The following HSPA12A variants were observed in gnomAD, a reference collection of about 807,000 sequenced individuals.
The protein encoded by HSPA12A is heat shock 70 kDa protein 12A.
In HSPA12A, 28 loss-of-function variants were observed where a neutral mutation model predicts 69.2. That is an observed-to-expected ratio of 0.40 (90% CI 0.30 to 0.55). The LOEUF (loss-of-function observed/expected upper bound fraction) is 0.55, where lower values mean the gene tolerates loss of function less well. Ranked by LOEUF, HSPA12A falls within the 20% of genes least tolerant of loss-of-function variation. The pLI, the probability that HSPA12A is intolerant of heterozygous loss-of-function variation, is 0.38. For missense variants in HSPA12A, 686 were observed against 900.7 expected, an observed-to-expected ratio of 0.76 and a Z score of 3.05; for synonymous variants, 345 against 370.5, an observed-to-expected ratio of 0.93 and a Z score of 0.79.
At chr10:116,831,623 C>G (rs11591751) in intron 2 of HSPA12A, 51,311 of 152,122 alleles carry the variant, frequency 0.34, 10,250 homozygotes, top group Middle Eastern at 0.49. Context: ...GGGTCCCCAT[C>G]GCGATGATCA....
intron 2 of HSPA12A, among the ~76,000 whole-genome samples, chr10:116,790,092 C>CTTTT (rs140785704): frequency 2.9e-5 from 2 of 69,120 alleles, no homozygotes; most frequent in East Asian, 5.3e-4. Context: ...GATAATCTTT[C>CTTTT]TTTTTTTTTT....
At chr10:116,784,373 C>A (rs1844531021) in intron 2 of HSPA12A, among the ~76,000 whole-genome samples, 1 of 152,258 alleles carries the variant, frequency 6.6e-6, no homozygotes, top group South Asian at 2.1e-4. Context: ...TGCCTGATTT[C>A]TCTGTTCTGC....
intron 1 of HSPA12A, among the ~76,000 whole-genome samples, chr10:116,741,580 C>A (rs1851508658): frequency 6.6e-6 from 1 of 152,210 alleles, no homozygotes; most frequent in Non-Finnish European, 1.5e-5. Context: ...GGAATCCTGG[C>A]CAGCCGGGCC....
chr10:116,802,476 A>T (rs1844978122), intron 2 of HSPA12A, among the ~76,000 whole-genome samples: 1 of 152,230 alleles, frequency 6.6e-6, no homozygotes, highest in Admixed American at 6.5e-5. Context: ...ATGCACCTTC[A>T]AGGGGTCACA....
chr10:116,759,375 A>T (rs1843922247), intron 2 of HSPA12A, among the ~76,000 whole-genome samples: 1 of 152,166 alleles, frequency 6.6e-6, no homozygotes, highest in Admixed American at 6.5e-5. Flanking sequence ...GAAGATGTTA[A>T]TATGTCTTCT....
intron 2 of HSPA12A, among the ~76,000 whole-genome samples, chr10:116,780,450 C>T (rs1844439917): frequency 6.6e-6 from 1 of 152,086 alleles, no homozygotes; most frequent in Admixed American, 6.6e-5. Context: ...CTCCCACACT[C>T]GAGTGATCCT....
intron 1 of HSPA12A, among the ~76,000 whole-genome samples, chr10:116,721,600 C>T (rs1307577138): frequency 6.6e-6 from 1 of 152,100 alleles, no homozygotes; most frequent in Admixed American, 6.5e-5. Flanking sequence ...AACGAAAACC[C>T]GGGTGTGCGT....
intron 2 of HSPA12A, among the ~76,000 whole-genome samples, chr10:116,789,430 G>C (rs1844653657): frequency 6.6e-6 from 1 of 151,984 alleles, no homozygotes; most frequent in East Asian, 1.9e-4. Context: ...GGAAATGAAG[G>C]ATGAGTATAA....
chr10:116,679,852 T>A, intron 9 of HSPA12A, 91 bp from the exon 10 acceptor site: 1 of 1,384,212 alleles, frequency 7.2e-7, no homozygotes, highest in Non-Finnish European at 1.0e-6. Flanking sequence ...TGTTCATCTC[T>A]GAGCCACTTA....
intron 1 of HSPA12A, among the ~76,000 whole-genome samples, chr10:116,839,132 T>C (rs1261628782): frequency 6.6e-6 from 1 of 152,234 alleles, no homozygotes; most frequent in Non-Finnish European, 1.5e-5. Context: ...CTTTCACAGT[T>C]GGAAAACGAC....
At chr10:116,690,411 A>G (rs1351836077) in intron 6 of HSPA12A, among the ~76,000 whole-genome samples, 5 of 152,224 alleles carry the variant, frequency 3.3e-5, no homozygotes, top group African/African-American at 1.2e-4. Flanking sequence ...CATGAACAAA[A>G]AAAGCAATTG....
chr10:116,720,392 C>G (rs986484161), intron 1 of HSPA12A, among the ~76,000 whole-genome samples: 21 of 152,238 alleles, frequency 1.4e-4, no homozygotes, highest in African/African-American at 4.8e-4. Context: ...TGGCACTGGC[C>G]TCTCCCAGAC....
At chr10:116,738,436 G>C (rs545339540) in intron 1 of HSPA12A, among the ~76,000 whole-genome samples, 1 of 152,308 alleles carries the variant, frequency 6.6e-6, no homozygotes, top group African/African-American at 2.4e-5. Context: ...AGAGCATTGA[G>C]AGAAACAGCA....
intron 6 of HSPA12A, among the ~76,000 whole-genome samples, chr10:116,685,778 TG>T (rs1357419341): frequency 2.0e-5 from 3 of 152,114 alleles, no homozygotes; most frequent in Admixed American, 1.3e-4. Context: ...AGACTTTCAG[TG>T]CTAAAACTGA....
chr10:116,732,619 G>C (rs1475629370), intron 1 of HSPA12A, among the ~76,000 whole-genome samples: 5 of 152,214 alleles, frequency 3.3e-5, no homozygotes, highest in Admixed American at 3.3e-4. Context: ...GAAAAGAAAA[G>C]CTGGGCCTGC....
At chr10:116,785,165 C>A (rs1554892205) in intron 2 of HSPA12A, among the ~76,000 whole-genome samples, 1 of 152,200 alleles carries the variant, frequency 6.6e-6, no homozygotes, top group Non-Finnish European at 1.5e-5. Context: ...GGCTTGACCC[C>A]TGCATGTCCA....
chr10:116,807,737 G>A (rs902587244), intron 2 of HSPA12A, among the ~76,000 whole-genome samples: 1 of 152,188 alleles, frequency 6.6e-6, no homozygotes, highest in African/African-American at 2.4e-5. Context: ...GCAGAGCAAG[G>A]ATCACACTGC....
rs1432152893 is a variant in HSPA12A at position 116,701,061 on chromosome 10, T to C, written c.323A>G (p.Glu108Gly). Residue 108 changes from glutamate to glycine, a missense_variant, in exon 4 of 12, where the codon GAG (glutamate) becomes GGG (glycine). Transcript: ENST00000369209. ...ATACCCGAAGCTGTGGAACTTCCTCTCGGGAGTCAGCAAGATGGTGGTTGG... is the reference window on the plus strand; with the variant it reads ...ATACCCGAAGCTGTGGAACTTCCTCCCGGGAGTCAGCAAGATGGTGGTTGG... The part of the protein sequence containing the change: ...KTPTTILLTP[E>G]RKFHSFGYAA... 6.2e-7 allele frequency: 1 copy of C among 1,614,036 alleles called. No individual in the cohort carries two copies. The highest frequency in any genetic ancestry group is 1.3e-5 in the African/African-American group (1 of 74,922).
chr10:116,840,349 T>C (rs573067332), intron 1 of HSPA12A, among the ~76,000 whole-genome samples: 5 of 152,340 alleles, frequency 3.3e-5, no homozygotes, highest in African/African-American at 1.2e-4. Context: ...AAAACATTCA[T>C]TCTAAAGCTT....
Sources: allele counts gnomAD v4.1 joint callset (sites outside exome capture counted in the v4.1 genomes callset), GRCh38; gene constraint gnomAD v4.1.1; transcripts MANE v1.5; gene names NCBI Gene and HGNC (gene_info 2026-07-23, HGNC 2026-07-21).